The following PTPRD variants were observed in gnomAD, a reference collection of about 807,000 sequenced individuals.
PTPRD encodes the protein receptor-type tyrosine-protein phosphatase delta.
PTPRD carries 34 observed loss-of-function variants against 214.5 expected under a neutral mutation model. The observed-to-expected ratio is 0.16, with a 90% CI of 0.12 to 0.21. The LOEUF (loss-of-function observed/expected upper bound fraction) is 0.21. Among genes scored for constraint, PTPRD ranks in the 10% least tolerant of loss-of-function variants. The probability of loss-of-function intolerance (pLI) is 1.00; values close to 1 mark genes in which losing one functional copy is unlikely to be tolerated. For synonymous variants in PTPRD, 1,128 were observed against 845.7 expected, an observed-to-expected ratio of 1.33 and a Z score of -5.79; for missense variants, 2,545 against 2,398.7, an observed-to-expected ratio of 1.06 and a Z score of -1.27.
intron 5 of PTPRD, among the ~76,000 whole-genome samples, chr9:9,804,526 A>G (rs1277481451): frequency 1.3e-5 from 2 of 152,152 alleles, no homozygotes. Context: ...GGAACTTTTT[A>G]TCTTTCCTTA....
At position 9,422,396 on chromosome 9, in the gene PTPRD, G is replaced by T. The variant is rs537359651; in HGVS notation, c.-236-24914C>A. 9.0e-4 allele frequency among the ~76,000 whole-genome samples: 137 copies of T among 152,222 alleles called. 1 individual carries two copies. The highest frequency in any genetic ancestry group is 3.2e-3 in the African/African-American group (133 of 41,556). Reference sequence around the variant, plus strand: ...ATTTCTAGCTATGATGGAGTAGCTTGTAGTAGACCAATCACCTGCTTAGAG... The same window carrying T: ...ATTTCTAGCTATGATGGAGTAGCTTTTAGTAGACCAATCACCTGCTTAGAG... On this transcript the variant is annotated intron_variant, in intron 8 of 45. Transcript: ENST00000381196.
intron 5 of PTPRD, among the ~76,000 whole-genome samples, chr9:9,819,634 C>A (rs974378783): frequency 6.6e-6 from 1 of 152,038 alleles, no homozygotes; most frequent in Non-Finnish European, 1.5e-5. Context: ...TAGTCCCCAA[C>A]GGTTAGTTTT....
Position 8,384,614 on chromosome 9 carries a change from G to A in PTPRD, c.4386+4618C>T, listed in dbSNP as rs941796696. ...GCAATCTTGGCCCACCACAACCTCT[G>A]TCTCCCGGGTCAAGCGATTCTCCTG... On this transcript the variant is annotated intron_variant, in intron 37 of 45. Transcript: ENST00000381196. Among the ~76,000 whole-genome samples the A allele has an allele frequency of 9.9e-5, 15 of 152,088 alleles. 1 individual carries two copies. Among genetic ancestry groups the A allele is most frequent in the Admixed American group, 9.2e-4 (14 of 15,254 alleles).
chr9:8,598,467 A>AAAATAAAT (rs61195965), intron 14 of PTPRD, among the ~76,000 whole-genome samples: 7,884 of 151,840 alleles, frequency 0.052, 682 homozygotes, highest in African/African-American at 0.18. Context: ...TCAAAAAAAT[A>AAAATAAAT]AAATAAATAA....
intron 5 of PTPRD, among the ~76,000 whole-genome samples, chr9:9,811,704 C>G (rs1411544331): frequency 6.6e-6 from 1 of 152,080 alleles, no homozygotes; most frequent in African/African-American, 2.4e-5. Context: ...GAGACTCCAT[C>G]TCAAAAACAA....
intron 2 of PTPRD, among the ~76,000 whole-genome samples, chr9:10,511,703 C>T (rs183804653): frequency 2.7e-4 from 41 of 151,072 alleles, no homozygotes; most frequent in African/African-American, 8.3e-4. Flanking sequence ...TGGGAACCAC[C>T]ACACCTGGCT....
chr9:8,950,862 CTACTT>C (rs2099098044), intron 11 of PTPRD, among the ~76,000 whole-genome samples: 1 of 152,020 alleles, frequency 6.6e-6, no homozygotes, highest in Admixed American at 6.6e-5. Context: ...TCTACCTACT[CTACTT>C]GTTCAGATTT....
intron 3 of PTPRD, among the ~76,000 whole-genome samples, chr9:10,141,050 C>T (rs1415430838): frequency 4.6e-5 from 7 of 152,160 alleles, no homozygotes; most frequent in South Asian, 2.1e-4. Context: ...AATTCAACAA[C>T]CCTTCATGCT....
At chr9:10,354,103 A>T (rs567282746) in intron 2 of PTPRD, among the ~76,000 whole-genome samples, 1 of 152,212 alleles carries the variant, frequency 6.6e-6, no homozygotes, top group African/African-American at 2.4e-5. Flanking sequence ...TACCCTCTCA[A>T]GTACTAGCCA....
chr9:9,119,708 G>A (rs889547323), intron 10 of PTPRD, among the ~76,000 whole-genome samples: 1 of 151,948 alleles, frequency 6.6e-6, no homozygotes, highest in African/African-American at 2.4e-5. Context: ...TATTTTAGTA[G>A]AGACGGGGTT....
At chr9:10,018,538 CT>C (rs71321214) in intron 4 of PTPRD, among the ~76,000 whole-genome samples, 20,533 of 71,180 alleles carry the variant, frequency 0.29, 2,925 homozygotes, top group African/African-American at 0.51. Flanking sequence ...AATTACATTT[CT>C]TTTTTTTTTT....
At chr9:9,580,565 T>A (rs1054972547) in intron 7 of PTPRD, among the ~76,000 whole-genome samples, 4 of 147,974 alleles carry the variant, frequency 2.7e-5, no homozygotes, top group Non-Finnish European at 6.0e-5. Flanking sequence ...TTTTTTTTTT[T>A]TGAGACAGAG....
intron 3 of PTPRD, among the ~76,000 whole-genome samples, chr9:10,258,925 C>A (rs191688175): frequency 5.6e-4 from 85 of 152,262 alleles, no homozygotes; most frequent in African/African-American, 1.9e-3. Context: ...ATGATAAATT[C>A]AACTTTAAAA....
chr9:9,132,448 C>T (rs542758967), intron 10 of PTPRD, among the ~76,000 whole-genome samples: 1 of 152,228 alleles, frequency 6.6e-6, no homozygotes, highest in South Asian at 2.1e-4. Flanking sequence ...ACATTTTATG[C>T]ATTGAAAGTC....
intron 13 of PTPRD, among the ~76,000 whole-genome samples, chr9:8,636,167 C>T (rs1044597936): frequency 3.9e-5 from 6 of 152,176 alleles, no homozygotes; most frequent in African/African-American, 1.4e-4. Context: ...TCCCATTCTT[C>T]TTGATAACGA....
intron 29 of PTPRD, 100 bp downstream of exon 29, chr9:8,485,127 C>G: frequency 1.0e-6 from 1 of 966,152 alleles, no homozygotes; most frequent in Non-Finnish European, 1.6e-6. Flanking sequence ...GGACACGTGG[C>G]CAAAACAAAG....
intron 5 of PTPRD, among the ~76,000 whole-genome samples, chr9:9,785,641 A>G (rs563494896): frequency 3.0e-4 from 46 of 152,270 alleles, no homozygotes; most frequent in Non-Finnish European, 5.3e-4. Context: ...GAAATGGAGC[A>G]TTTAAATGCA....
intron 11 of PTPRD, among the ~76,000 whole-genome samples, chr9:8,970,166 AT>A (rs2099228238): frequency 6.6e-6 from 1 of 151,936 alleles, no homozygotes; most frequent in Non-Finnish European, 1.5e-5. Flanking sequence ...AACAATATAT[AT>A]TAGGCAAATT....
chr9:9,636,733 T>C (rs1334701973), intron 7 of PTPRD, among the ~76,000 whole-genome samples: 2 of 152,236 alleles, frequency 1.3e-5, no homozygotes, highest in East Asian at 3.9e-4. Context: ...TCAATATATT[T>C]AGTTATGTCA....
Sources: gnomAD v4.1 joint callset for allele counts (sites outside exome capture counted in the v4.1 genomes callset) on GRCh38, gnomAD v4.1.1 for gene constraint, MANE v1.5 for transcripts, NCBI Gene and HGNC (gene_info 2026-07-23, HGNC 2026-07-21) for gene names.